The following ASCC3 variants were observed in gnomAD, a reference collection of about 807,000 sequenced individuals.
ASCC3 encodes the protein activating signal cointegrator 1 complex subunit 3.
Under a neutral mutation model 256.3 loss-of-function variants are expected in ASCC3, and 158 were observed. The observed-to-expected ratio is 0.62, with a 90% CI of 0.54 to 0.70. The LOEUF (loss-of-function observed/expected upper bound fraction) is 0.70, where lower values mean the gene tolerates loss of function less well. ASCC3 is among the 30% of genes least tolerant of loss of function. ASCC3 has a pLI of 0.00. For synonymous variants in ASCC3, 948 were observed against 883.4 expected (o/e 1.07, Z -1.30); for missense variants, 2,259 against 2,626.0 (o/e 0.86, Z 3.05).
intron 4 of ASCC3, among the ~76,000 whole-genome samples, chr6:100,822,786 A>G (rs1394512126): frequency 3.9e-5 from 6 of 152,168 alleles, no homozygotes; most frequent in Admixed American, 3.9e-4. Context: ...CAACTCCCAA[A>G]AAATTTGTTA....
chr6:100,580,575 C>CTTTTAT (rs1231317465), intron 36 of ASCC3, among the ~76,000 whole-genome samples: 182 of 148,428 alleles, frequency 1.2e-3, no homozygotes, highest in African/African-American at 4.4e-3. Flanking sequence ...AAATAAAAAT[C>CTTTTAT]TTTTATTATT....
intron 20 of ASCC3, among the ~76,000 whole-genome samples, chr6:100,648,634 G>C (rs2114906588): frequency 6.6e-6 from 1 of 152,030 alleles, no homozygotes; most frequent in East Asian, 1.9e-4. Context: ...ATGACTGAAT[G>C]GGTCTTTATA....
At chr6:100,674,487 G>T in intron 14 of ASCC3, among the ~76,000 whole-genome samples, 1 of 151,440 alleles carries the variant, frequency 6.6e-6, no homozygotes, top group East Asian at 1.9e-4. Flanking sequence ...ATTTTTTATT[G>T]TTCCAAAGCA....
intron 30 of ASCC3, 37 bp downstream of exon 30, chr6:100,625,155 A>C: frequency 1.2e-6 from 2 of 1,608,620 alleles, no homozygotes; most frequent in Non-Finnish European, 1.7e-6. Context: ...TACAACCTGA[A>C]ACGTGTAAGT....
At chr6:100,833,876 G>A (rs1463970169) in intron 4 of ASCC3, among the ~76,000 whole-genome samples, 1 of 152,098 alleles carries the variant, frequency 6.6e-6, no homozygotes, top group African/African-American at 2.4e-5. Flanking sequence ...TCAGGAGTTT[G>A]AGACCAGCAT....
intron 8 of ASCC3, among the ~76,000 whole-genome samples, chr6:100,780,491 C>A (rs914604380): frequency 6.6e-6 from 1 of 152,094 alleles, no homozygotes; most frequent in Non-Finnish European, 1.5e-5. Context: ...AGCAATCTCA[C>A]AACTTGGGAG....
chr6:100,558,399 T>C (rs540595626), intron 36 of ASCC3, among the ~76,000 whole-genome samples: 1 of 152,144 alleles, frequency 6.6e-6, no homozygotes, highest in Non-Finnish European at 1.5e-5. Flanking sequence ...GATTTGTAAA[T>C]ACATTGCTTA....
intron 10 of ASCC3, among the ~76,000 whole-genome samples, chr6:100,746,402 A>C (rs1376856604): frequency 6.6e-6 from 1 of 152,100 alleles, no homozygotes; most frequent in Non-Finnish European, 1.5e-5. Context: ...TATGCATTGA[A>C]ATGAGATGGA....
chr6:100,757,607 T>C (rs1365850392), intron 10 of ASCC3, among the ~76,000 whole-genome samples: 1 of 152,108 alleles, frequency 6.6e-6, no homozygotes, highest in Non-Finnish European at 1.5e-5. Context: ...TAAATTTGAC[T>C]ATCTTATAAT....
intron 10 of ASCC3, among the ~76,000 whole-genome samples, chr6:100,740,482 T>A (rs200849823): frequency 1.3e-5 from 2 of 152,186 alleles, no homozygotes; most frequent in East Asian, 3.8e-4. Context: ...AGGTCATGAA[T>A]ATCTTTGTAA....
intron 10 of ASCC3, among the ~76,000 whole-genome samples, chr6:100,728,565 AT>A (rs1779746423): frequency 1.3e-5 from 2 of 152,116 alleles, no homozygotes; most frequent in African/African-American, 4.8e-5. Flanking sequence ...TTGCTGTATA[AT>A]TTATAATACT....
intron 37 of ASCC3, among the ~76,000 whole-genome samples, chr6:100,531,623 A>G (rs1342582811): frequency 6.6e-6 from 1 of 151,816 alleles, no homozygotes; most frequent in Non-Finnish European, 1.5e-5. Context: ...AGAGTATCTG[A>G]TGAAAAAACA....
intron 36 of ASCC3, among the ~76,000 whole-genome samples, chr6:100,569,558 A>AT (rs1366666287): frequency 1.3e-5 from 2 of 151,258 alleles, no homozygotes; most frequent in African/African-American, 2.4e-5. Flanking sequence ...AATTTTTTGT[A>AT]TTTTTTTAGT....
intron 36 of ASCC3, among the ~76,000 whole-genome samples, chr6:100,545,746 T>G (rs527551287): frequency 6.6e-6 from 1 of 152,024 alleles, no homozygotes; most frequent in Non-Finnish European, 1.5e-5. Flanking sequence ...CTTGGCTAAT[T>G]AAAAAAAATA....
At chr6:100,541,675 C>T (rs778926046) in intron 36 of ASCC3, among the ~76,000 whole-genome samples, 3 of 152,056 alleles carry the variant, frequency 2.0e-5, no homozygotes, top group African/African-American at 7.2e-5. Context: ...AAATACAGTA[C>T]TCAAGAAGGT....
intron 1 of ASCC3, among the ~76,000 whole-genome samples, chr6:100,873,285 C>G (rs913476010): frequency 6.6e-6 from 1 of 151,800 alleles, no homozygotes; most frequent in Non-Finnish European, 1.5e-5. Context: ...CTTCAGAGCT[C>G]GAAGACAAGG....
At chr6:100,650,476 A>G in intron 20 of ASCC3, 62 bp downstream of exon 20, 1 of 1,542,812 alleles carries the variant, frequency 6.5e-7, no homozygotes, top group South Asian at 1.1e-5. Flanking sequence ...AGCATGAATT[A>G]ACACCTTGGT....
intron 36 of ASCC3, among the ~76,000 whole-genome samples, chr6:100,587,130 C>A (rs1436384680): frequency 6.6e-6 from 1 of 151,948 alleles, no homozygotes; most frequent in Non-Finnish European, 1.5e-5. Context: ...CTAATGTTAT[C>A]CCCACAGCTT....
intron 40 of ASCC3, 41 bp downstream of exon 40, chr6:100,512,668 T>A (rs2114603126): frequency 6.3e-7 from 1 of 1,583,240 alleles, no homozygotes; most frequent in Middle Eastern, 1.7e-4. Context: ...CATGCTGGTA[T>A]TTGGTGTGAA....
Sources: gnomAD v4.1 joint callset for allele counts (sites outside exome capture counted in the v4.1 genomes callset) on GRCh38, gnomAD v4.1.1 for gene constraint, MANE v1.5 for transcripts, NCBI Gene and HGNC (gene_info 2026-07-23, HGNC 2026-07-21) for gene names.